The following C11orf65 variants were observed in gnomAD, a reference collection of about 807,000 sequenced individuals.
C11orf65 encodes chromosome 11 open reading frame 65.
Under a neutral mutation model 35.3 loss-of-function variants are expected in C11orf65, and 38 were observed. The observed-to-expected ratio is 1.08, with a 90% confidence interval of 0.83 to 1.41. The LOEUF (loss-of-function observed/expected upper bound fraction) is 1.41, where lower values mean the gene tolerates loss of function less well. Among genes scored for constraint, C11orf65 ranks in the 40% most tolerant of loss-of-function variants. The probability of loss-of-function intolerance (pLI) is 0.00; values close to 1 mark genes in which losing one functional copy is unlikely to be tolerated. For synonymous variants in C11orf65, 105 were observed against 114.4 expected (o/e 0.92, Z 0.53); for missense variants, 370 against 367.1 (o/e 1.01, Z -0.06).
At chr11:108,465,241 G>A (rs949716959) in intron 1 of C11orf65, among the ~76,000 whole-genome samples, 3 of 151,976 alleles carry the variant, frequency 2.0e-5, no homozygotes, top group Non-Finnish European at 2.9e-5. Flanking sequence ...AATTTTACAC[G>A]GGCTTTCTGC....
Position 108,335,113 on chromosome 11 carries a change from A to T in C11orf65, c.299+107T>A, listed in dbSNP as rs1294982909. 6.2e-7 allele frequency: 1 copy of T among 1,614,018 alleles called. No homozygotes were observed. The highest frequency in any genetic ancestry group is 1.1e-5 in the South Asian group (1 of 91,078). ...GGAGAGGAGACAGCTTGTTAAGGTG[A>T]GCCTTCCCTTCTCTGGCTTAGCCCT... On this transcript the variant is annotated intron_variant, in intron 3 of 3. Coordinates refer to the C11orf65 transcript ENST00000524755.
chr11:108,448,504 C>T (rs1440032007), intron 2 of C11orf65, among the ~76,000 whole-genome samples: 1 of 152,164 alleles, frequency 6.6e-6, no homozygotes, highest in Non-Finnish European at 1.5e-5. Context: ...AAATGTAATC[C>T]AGCATATAAA....
intron 2 of C11orf65, among the ~76,000 whole-genome samples, chr11:108,444,239 G>A (rs1202670388): frequency 6.6e-6 from 1 of 151,982 alleles, no homozygotes; most frequent in East Asian, 1.9e-4. Flanking sequence ...ATAAATTCCT[G>A]GATACATACA....
chr11:108,383,870 C>CT (rs10563376), intron 8 of C11orf65, among the ~76,000 whole-genome samples: 9 of 117,862 alleles, frequency 7.6e-5, no homozygotes, highest in African/African-American at 3.0e-4. Flanking sequence ...ATATTGTTTC[C>CT]TTTTTTTTTT....
intron 6 of C11orf65, among the ~76,000 whole-genome samples, chr11:108,315,039 C>A (rs1483405740): frequency 2.0e-5 from 3 of 152,158 alleles, no homozygotes; most frequent in Non-Finnish European, 4.4e-5. Context: ...GCACCTCCAG[C>A]CACTGTGGTG....
chr11:108,413,074 C>T (rs2138767531), intron 3 of C11orf65, among the ~76,000 whole-genome samples: 1 of 152,290 alleles, frequency 6.6e-6, no homozygotes, highest in Non-Finnish European at 1.5e-5. Flanking sequence ...TTAACTGGAT[C>T]CAATTGACAT....
In C11orf65 at chr11:108,310,160, A is replaced by G. The variant is rs1057523784; in HGVS notation, c.641-1089T>C. 6 of 1,612,922 alleles carry G rather than the reference A, an allele frequency of 3.7e-6. No homozygotes were observed. Among genetic ancestry groups the G allele is most frequent in the Non-Finnish European group, 5.1e-6 (6 of 1,179,338 alleles). On this transcript the variant is annotated intron_variant, in intron 6 of 6. Transcript: ENST00000525729. ...GACATTATATCTCATTTTTCTTTAG[A>G]CCTTCTTCAGGAACAATTTTTAATG... is the stretch of plus-strand genomic sequence containing the variant.
chr11:108,371,555 T>C (rs532234806), intron 2 of C11orf65, among the ~76,000 whole-genome samples: 1 of 152,238 alleles, frequency 6.6e-6, no homozygotes, highest in Non-Finnish European at 1.5e-5. Context: ...TTGTAATATA[T>C]TGCAGAATTT....
intron 1 of C11orf65, chr11:108,462,537 C>T (rs1028525158): frequency 6.6e-6 from 1 of 152,196 alleles, no homozygotes; most frequent in Non-Finnish European, 1.5e-5. Context: ...AAGTCCATGA[C>T]TTTTACATAC....
chr11:108,426,867 C>A (rs918270467), intron 3 of C11orf65, among the ~76,000 whole-genome samples: 3 of 152,062 alleles, frequency 2.0e-5, no homozygotes, highest in Admixed American at 1.3e-4. Flanking sequence ...CTTGACAAAC[C>A]TGACAAAAAC....
At chr11:108,442,324 G>T (rs1286420210) in intron 2 of C11orf65, among the ~76,000 whole-genome samples, 2 of 152,208 alleles carry the variant, frequency 1.3e-5, no homozygotes, top group African/African-American at 4.8e-5. Context: ...GTGGGACTAT[G>T]TGAAAAGATG....
chr11:108,434,847 T>G (rs1039147716), intron 2 of C11orf65, among the ~76,000 whole-genome samples: 1 of 152,178 alleles, frequency 6.6e-6, no homozygotes, highest in Non-Finnish European at 1.5e-5. Flanking sequence ...TGCTCCTGAT[T>G]AGAGAACTTG....
At chr11:108,340,719 T>G (rs563137281) in intron 2 of C11orf65, among the ~76,000 whole-genome samples, 2 of 152,310 alleles carry the variant, frequency 1.3e-5, no homozygotes, top group African/African-American at 4.8e-5. Flanking sequence ...TCGGTATCTG[T>G]GGGGGATTGT....
chr11:108,317,820 ACT>A lies in C11orf65; in HGVS notation c.641-8751_641-8750del, dbSNP rs1437388794. Among the ~76,000 whole-genome samples, 4 of 151,352 alleles carry A rather than the reference ACT, an allele frequency of 2.6e-5. No individual in the cohort carries two copies. In the East Asian group the frequency reaches 5.8e-4, roughly 22 times the overall value. Reference sequence around the variant, plus strand: ...GTTAATGCACCTAGGCTTGAATTTTACTCTCTTATTCCATTAGGACAACTTCA... The same window carrying A: ...GTTAATGCACCTAGGCTTGAATTTTACTCTTATTCCATTAGGACAACTTCA... On this transcript the variant is annotated intron_variant, in intron 6 of 6. Transcript: ENST00000525729.
At chr11:108,317,247 G>C in intron 6 of C11orf65, 3 of 959,336 alleles carry the variant, frequency 3.1e-6, no homozygotes, top group Non-Finnish European at 4.7e-6. Context: ...CTGATATTTT[G>C]GGATTTTAAA....
At chr11:108,397,518 C>T (rs2092345086) in intron 6 of C11orf65, among the ~76,000 whole-genome samples, 1 of 151,934 alleles carries the variant, frequency 6.6e-6, no homozygotes, top group Non-Finnish European at 1.5e-5. Context: ...AGAATCAAAG[C>T]TTAAGTTGCA....
intron 3 of C11orf65, chr11:108,331,668 G>A (rs575796683): frequency 1.4e-6 from 2 of 1,392,880 alleles, no homozygotes; most frequent in South Asian, 1.4e-5. Context: ...ACAAAATTTT[G>A]TATTTTTTGT....
At chr11:108,450,966 G>A (rs1302716440) in intron 2 of C11orf65, among the ~76,000 whole-genome samples, 1 of 151,762 alleles carries the variant, frequency 6.6e-6, no homozygotes, top group Non-Finnish European at 1.5e-5. Flanking sequence ...AGCTCTTCAT[G>A]CTAAAAACTC....
intron 3 of C11orf65, among the ~76,000 whole-genome samples, chr11:108,407,630 A>T (rs540095015): frequency 5.9e-4 from 88 of 149,522 alleles, no homozygotes; most frequent in African/African-American, 1.8e-3. Context: ...ATTAAAAAAA[A>T]TTTTTTTTTT....
Sources: allele counts gnomAD v4.1 joint callset (sites outside exome capture counted in the v4.1 genomes callset), GRCh38; gene constraint gnomAD v4.1.1; transcripts MANE v1.5; gene names NCBI Gene and HGNC (gene_info 2026-07-23, HGNC 2026-07-21).